OR4E2: variants seen among roughly 807,000 people sequenced by gnomAD.
OR4E2 encodes the protein olfactory receptor family 4 subfamily E member 2, also known as olfactory receptor 4E2.
In OR4E2, 9 loss-of-function variants were observed where a neutral mutation model predicts 11.0. The observed-to-expected ratio is 0.82, with a 90% CI of 0.49 to 1.43. The LOEUF is 1.43. Ranked by LOEUF, OR4E2 falls within the 40% of genes most tolerant of loss-of-function variation. The pLI, the probability that OR4E2 is intolerant of heterozygous loss-of-function variation, is 0.00. For synonymous variants in OR4E2, 159 were observed against 147.3 expected, an observed-to-expected ratio of 1.08 and a Z score of -0.57; for missense variants, 441 against 382.0, an observed-to-expected ratio of 1.15 and a Z score of -1.29.
rs767277666 is a variant in OR4E2, at chr14:21,667,456, G to C, written c.*1432G>C. On this transcript the variant is annotated 3_prime_UTR_variant, in exon 4 of 4. Transcript: ENST00000641524. ...TCAGAAGCAGTCTATTCATTAAACT[G>C]AGAGATGCTCATGAAAATATCTAAA... is the stretch of plus-strand genomic sequence containing the variant. 2 of 152,170 alleles carry C rather than the reference G, an allele frequency of 1.3e-5. No individual in the cohort carries two copies. The highest frequency in any genetic ancestry group is 2.9e-5 in the Non-Finnish European group (2 of 68,032). 9.4% of individuals were successfully genotyped at this position (152,170 alleles called of 1,614,324 possible). A position where few individuals can be genotyped will look rare whatever the true frequency, so the allele number is the denominator to read the frequency against.
intron 3 of OR4E2, among the ~76,000 whole-genome samples, chr14:21,661,423 TC>T (rs1381386904): frequency 6.6e-6 from 1 of 152,192 alleles, no homozygotes; most frequent in Admixed American, 6.5e-5. Context: ...CCTTCCTCAC[TC>T]CCTGCCTTCT....
intron 3 of OR4E2, among the ~76,000 whole-genome samples, chr14:21,662,594 C>T (rs1880392048): frequency 1.3e-5 from 2 of 152,192 alleles, no homozygotes; most frequent in African/African-American, 4.8e-5. Context: ...GCCACCACGC[C>T]TGGCTGGCAT....
chr14:21,662,889 AT>A (rs1157433786), intron 3 of OR4E2, among the ~76,000 whole-genome samples: 2 of 152,170 alleles, frequency 1.3e-5, no homozygotes, highest in Non-Finnish European at 2.9e-5. Context: ...AATATAAATT[AT>A]TTTTGTGGCT....
At chr14:21,663,480 G>GAA (rs1253950762) in intron 3 of OR4E2, among the ~76,000 whole-genome samples, 22 of 149,592 alleles carry the variant, frequency 1.5e-4, no homozygotes, top group Admixed American at 3.3e-4. Flanking sequence ...ACTCCGTCTC[G>GAA]AAAAAAATTT....
rs1405226922 is a variant in OR4E2, at chr14:21,665,529, G to C, written c.447G>C (p.Trp149Cys). 1.2e-6 allele frequency: 2 copies of C among 1,614,094 alleles called. No individual in the cohort carries two copies. The highest frequency in any genetic ancestry group is 4.5e-5 in the East Asian group (2 of 44,888). ...GTATACAGCTTGTCTTTGCTCTCTG[G>C]TTGGGGGGTACTGTTCACTCACTAG... is the stretch of plus-strand genomic sequence containing the variant. The part of the protein sequence containing the change: ...RVCIQLVFAL[W>C]LGGTVHSLGQ... Residue 149 changes from tryptophan (W) to cysteine (C), a missense_variant, in exon 4 of 4, where the codon TGG (tryptophan) becomes TGC (cysteine). Transcript: ENST00000641524.
At position 21,657,420 on chromosome 14, in the gene OR4E2, TTCTC is replaced by T. The variant is rs1185605698; in HGVS notation, c.-103+833_-103+836del. Among the ~76,000 whole-genome samples the T allele has an allele frequency of 4.8e-5, 7 of 146,180 alleles. No individual in the cohort carries two copies. In the Admixed American group the frequency reaches 4.8e-4, roughly 10 times the overall value. On this transcript the variant is annotated intron_variant, in intron 2 of 3. Transcript: ENST00000641524. ...TTCCTTCCTTCCTTTCTTTCTTTCT[TTCTC>T]TTTCTTTCTTCTTTCTTTCCTTCCT... is the stretch of plus-strand genomic sequence containing the variant.
rs756065622 is a variant in OR4E2 at position 21,665,182 on chromosome 14, A to G, written c.100A>G (p.Ile34Val). The change falls in exon 4 of 4, where the codon ATT becomes GTT. Residue 34 changes from isoleucine (I) to valine (V), a missense_variant. Physicochemically the swap from Ile to Val is conservative, Grantham distance 29. Coordinates refer to ENST00000641524, the MANE Select transcript of OR4E2 (RefSeq NM_001001912.3). Reference sequence around the variant, plus strand: ...GCTGTTTTTCATGGCATTCTCAGCCATTTATATGCTAACGCTTTCGGGGAA... The same window carrying G: ...GCTGTTTTTCATGGCATTCTCAGCCGTTTATATGCTAACGCTTTCGGGGAA... ...EMLFFMAFSA[I>V]YMLTLSGNIL... 3.1e-6 allele frequency: 5 copies of G among 1,613,906 alleles called. No individual in the cohort carries two copies. Among genetic ancestry groups the G allele is most frequent in the Admixed American group, 3.3e-5 (2 of 60,012 alleles).
rs150091895 is a variant in OR4E2 at position 21,663,001 on chromosome 14, G to A, written c.-8-2074G>A. Among the ~76,000 whole-genome samples, 241 of 152,214 alleles carry A rather than the reference G, an allele frequency of 1.6e-3. 1 individual carries two copies. The highest frequency in any genetic ancestry group is 5.2e-3 in the African/African-American group (214 of 41,530). On this transcript the variant is annotated intron_variant, in intron 3 of 3. Transcript: ENST00000641524. Reference sequence around the variant, plus strand: ...TATTTATACAATAATATCATATTACGTAATTTAAAGAAGTAAGTTTCTTAA... The same window carrying A: ...TATTTATACAATAATATCATATTACATAATTTAAAGAAGTAAGTTTCTTAA...
At position 21,664,800 on chromosome 14, in the gene OR4E2, G is replaced by A. The variant is rs931385283; in HGVS notation, c.-8-275G>A. 2.0e-5 allele frequency among the ~76,000 whole-genome samples: 3 copies of A among 152,076 alleles called. No individual in the cohort carries two copies. The East Asian group carries it at 5.8e-4, about 29-fold the overall frequency. Reference sequence around the variant, plus strand: ...CCAAATAACTAATGTGTAAGGTTTCGGGCATTTATTTATTCTTGTAAAGGC... The same window carrying A: ...CCAAATAACTAATGTGTAAGGTTTCAGGCATTTATTTATTCTTGTAAAGGC... On this transcript the variant is annotated intron_variant, in intron 3 of 3. Transcript: ENST00000641524.
At chr14:21,655,191 G>C (rs1244789707) in intron 1 of OR4E2, among the ~76,000 whole-genome samples, 1 of 152,194 alleles carries the variant, frequency 6.6e-6, no homozygotes, top group Non-Finnish European at 1.5e-5. Context: ...AAAGAGACTT[G>C]CTCAAGTATA....
intron 3 of OR4E2, among the ~76,000 whole-genome samples, chr14:21,663,334 G>T (rs1880439941): frequency 6.6e-6 from 1 of 152,106 alleles, no homozygotes; most frequent in Admixed American, 6.5e-5. Context: ...AAAAAAATTA[G>T]CTGGGTGTGG....
At chr14:21,657,834 C>G (rs1329312068) in intron 2 of OR4E2, among the ~76,000 whole-genome samples, 1 of 152,154 alleles carries the variant, frequency 6.6e-6, no homozygotes, top group Middle Eastern at 3.2e-3. Context: ...AGGTGATCCA[C>G]CCCCTCGGCC....
chr14:21,660,415 G>A lies in OR4E2; in HGVS notation c.-102-238G>A, dbSNP rs138081272. 2.6e-3 allele frequency among the ~76,000 whole-genome samples: 395 copies of A among 152,304 alleles called. 4 individuals are homozygous for A. Among genetic ancestry groups the A allele is most frequent in the African/African-American group, 9.0e-3 (373 of 41,564 alleles). ...AACAGAGGAAGCAGCCAGTGCAGTG[G>A]CCCCAGAGTGGGACTGTGTTTTGAG... On this transcript the variant is annotated intron_variant, in intron 2 of 3. Transcript: ENST00000641524.
In OR4E2 at chr14:21,665,069, C is replaced by T; in HGVS notation, c.-8-6C>T. On this transcript the variant is annotated splice_region_variant and splice_polypyrimidine_tract_variant and intron_variant, in intron 3 of 3. Coordinates refer to ENST00000641524, the MANE Select transcript of OR4E2 (RefSeq NM_001001912.3). ...CTAAATTAGCTTTCATTTTTTCCCCCCTAAGCTCATTGAATGGACAGTCTA... is the reference window on the plus strand; with the variant it reads ...CTAAATTAGCTTTCATTTTTTCCCCTCTAAGCTCATTGAATGGACAGTCTA... The T allele has an allele frequency of 6.7e-7, 1 of 1,486,786 alleles. No individual in the cohort carries two copies. The highest frequency in any genetic ancestry group is 9.3e-7 in the Non-Finnish European group (1 of 1,079,676). 92.1% of individuals were successfully genotyped at this position (1,486,786 alleles called of 1,614,324 possible). A position where few individuals can be genotyped will look rare whatever the true frequency, so the allele number is the denominator to read the frequency against.
chr14:21,657,385 C>CCTTT (rs1215561664), intron 2 of OR4E2, among the ~76,000 whole-genome samples: 2 of 108,314 alleles, frequency 1.8e-5, no homozygotes, highest in Non-Finnish European at 2.0e-5. Context: ...TTCCTTCCTT[C>CCTTT]CTTTCTTTCT....
rs774907447 is a variant in OR4E2 at position 21,665,880 on chromosome 14, C to T, written c.798C>T (p.Ser266=). 1 of 1,609,270 alleles carries T rather than the reference C, an allele frequency of 6.2e-7. No individual in the cohort carries two copies. Among genetic ancestry groups the T allele is most frequent in the Non-Finnish European group, 8.5e-7 (1 of 1,177,722 alleles). The change falls in exon 4 of 4, where the codon TCC becomes TCT. Residue 266 remains serine (S), a synonymous_variant. Coordinates refer to ENST00000641524, the MANE Select transcript of OR4E2 (RefSeq NM_001001912.3). Reference sequence around the variant, plus strand: ...ATACTCGGCCAGACACCAGCTTCTCCATTGACAAGGTGGTGTCTGTCTTCT... The same window carrying T: ...ATACTCGGCCAGACACCAGCTTCTCTATTGACAAGGTGGTGTCTGTCTTCT... ...FIYTRPDTSF[S]IDKVVSVFYT...
chr14:21,657,342 CTT>C (rs1880006152), intron 2 of OR4E2, among the ~76,000 whole-genome samples: 2 of 70,912 alleles, frequency 2.8e-5, no homozygotes, highest in Non-Finnish European at 6.1e-5. Flanking sequence ...TAAATGCTTC[CTT>C]CCTTCCTTCC....
chr14:21,654,460 GATGCACA>G (rs1879827749), intron 1 of OR4E2, among the ~76,000 whole-genome samples: 1 of 144,964 alleles, frequency 6.9e-6, no homozygotes, highest in Non-Finnish European at 1.5e-5. Flanking sequence ...CACACACACA[GATGCACA>G]CACACACACA....
intron 3 of OR4E2, among the ~76,000 whole-genome samples, chr14:21,663,480 G>A (rs1293180117): frequency 1.3e-5 from 2 of 149,486 alleles, no homozygotes; most frequent in African/African-American, 4.9e-5. Context: ...ACTCCGTCTC[G>A]AAAAAAATTT....
Sources: gnomAD v4.1 joint callset for allele counts (sites outside exome capture counted in the v4.1 genomes callset) on GRCh38, gnomAD v4.1.1 for gene constraint, MANE v1.5 for transcripts, NCBI Gene and HGNC (gene_info 2026-07-23, HGNC 2026-07-21) for gene names.